Variants in EPHA6 observed in about 807,000 individuals in gnomAD.
The protein encoded by EPHA6 is ephrin type-A receptor 6.
EPHA6 carries 50 observed loss-of-function variants against 112.0 expected under a neutral mutation model. The ratio of observed to expected loss-of-function variants is 0.45; its 90% CI spans 0.36 to 0.56. EPHA6 has a LOEUF of 0.56. Among genes scored for constraint, EPHA6 ranks in the 20% least tolerant of loss-of-function variants. EPHA6 has a pLI of 0.00. For synonymous variants in EPHA6, 529 were observed against 490.7 expected, an observed-to-expected ratio of 1.08 and a Z score of -1.03; for missense variants, 1,280 against 1,417.4, an observed-to-expected ratio of 0.90 and a Z score of 1.56.
intron 6 of EPHA6, among the ~76,000 whole-genome samples, chr3:97,414,529 G>T (rs181262190): frequency 6.6e-6 from 1 of 151,874 alleles, no homozygotes; most frequent in African/African-American, 2.4e-5. Context: ...GTTTATTCCC[G>T]CATAGTAACC....
At chr3:97,286,522 C>T (rs1402646570) in intron 5 of EPHA6, among the ~76,000 whole-genome samples, 2 of 152,038 alleles carry the variant, frequency 1.3e-5, no homozygotes, top group African/African-American at 4.8e-5. Context: ...TTCCTGGCAC[C>T]TTTGTTGAAA....
chr3:97,625,353 T>C (rs190106793), intron 13 of EPHA6, among the ~76,000 whole-genome samples: 1 of 151,878 alleles, frequency 6.6e-6, no homozygotes, highest in Admixed American at 6.6e-5. Context: ...GATTTTTCCG[T>C]TTTTCTTCTG....
intron 5 of EPHA6, among the ~76,000 whole-genome samples, chr3:97,390,878 T>C (rs989772353): frequency 6.6e-6 from 1 of 152,038 alleles, no homozygotes. Flanking sequence ...CAACCAACAA[T>C]CAAATCATTC....
chr3:97,533,653 G>A (rs946771951), intron 11 of EPHA6, among the ~76,000 whole-genome samples: 1 of 152,070 alleles, frequency 6.6e-6, no homozygotes, highest in Non-Finnish European at 1.5e-5. Context: ...ACATTAGCAA[G>A]TGTGATGCAA....
chr3:97,409,848 A>G (rs1053055645), intron 6 of EPHA6, among the ~76,000 whole-genome samples: 10 of 152,130 alleles, frequency 6.6e-5, no homozygotes, highest in Admixed American at 5.9e-4. Context: ...ACTCATCATG[A>G]AAAAGGTAGC....
In EPHA6 at chr3:96,814,973, G is replaced by A; in HGVS notation, c.350G>A (p.Trp117Ter). 1.9e-6 allele frequency: 3 copies of A among 1,540,594 alleles called. No individual in the cohort carries two copies. Among genetic ancestry groups the A allele is most frequent in the Non-Finnish European group, 2.6e-6 (3 of 1,139,600 alleles). ...FGFFLPLLTA[W>*]PGDCSHVSNN... ...TTCTTCTTGCCTCTGCTGACAGCGTGGCCAGGCGACTGCAGTCACGTCTCC... is the reference window on the plus strand; with the variant it reads ...TTCTTCTTGCCTCTGCTGACAGCGTAGCCAGGCGACTGCAGTCACGTCTCC... Residue 117 changes from tryptophan to a stop codon, truncating the protein, a stop_gained, in exon 1 of 18, where the codon TGG becomes TAG. Coordinates refer to ENST00000389672, the MANE Select transcript of EPHA6 (RefSeq NM_001080448.3). LOFTEE classifies it high-confidence loss of function.
chr3:97,129,826 G>A (rs1313438503), intron 3 of EPHA6, among the ~76,000 whole-genome samples: 2 of 152,144 alleles, frequency 1.3e-5, no homozygotes, highest in African/African-American at 4.8e-5. Context: ...TTCCACAGAA[G>A]GCAGGTCAGG....
At chr3:97,619,435 G>C (rs1050265955) in intron 13 of EPHA6, among the ~76,000 whole-genome samples, 4 of 71,896 alleles carry the variant, frequency 5.6e-5, no homozygotes, top group South Asian at 4.3e-4. Flanking sequence ...ATAGAAAAAG[G>C]GGGGGGGGGG....
intron 5 of EPHA6, among the ~76,000 whole-genome samples, chr3:97,353,843 A>G (rs887059163): frequency 2.6e-5 from 4 of 152,190 alleles, no homozygotes; most frequent in African/African-American, 4.8e-5. Context: ...TGCTAGCTTC[A>G]GGTAAGACTC....
chr3:96,953,087 T>A (rs2041617659), intron 2 of EPHA6, among the ~76,000 whole-genome samples: 1 of 152,180 alleles, frequency 6.6e-6, no homozygotes, highest in African/African-American at 2.4e-5. Context: ...AATTCAAGAT[T>A]TCCTGGGTTT....
intron 2 of EPHA6, among the ~76,000 whole-genome samples, chr3:96,929,894 C>A (rs1456618391): frequency 6.6e-6 from 1 of 152,168 alleles, no homozygotes; most frequent in African/African-American, 2.4e-5. Context: ...TTTACATAAT[C>A]CCGTATGTCT....
intron 14 of EPHA6, among the ~76,000 whole-genome samples, chr3:97,679,909 A>G (rs1187794692): frequency 6.6e-6 from 1 of 152,218 alleles, no homozygotes; most frequent in Non-Finnish European, 1.5e-5. Flanking sequence ...TGATTTGACC[A>G]GGCAACCTTT....
intron 2 of EPHA6, 121 bp downstream of exon 2, chr3:96,867,010 C>T: frequency 2.1e-6 from 1 of 481,210 alleles, no homozygotes; most frequent in Non-Finnish European, 3.6e-6. Flanking sequence ...ACTTACATCC[C>T]ATAGAAAAGG....
intron 16 of EPHA6, among the ~76,000 whole-genome samples, chr3:97,744,358 C>A (rs187096144): frequency 2.2e-4 from 34 of 152,006 alleles, no homozygotes; most frequent in Non-Finnish European, 4.7e-4. Flanking sequence ...TAAGAAAGGG[C>A]ATTTATTGTT....
intron 3 of EPHA6, among the ~76,000 whole-genome samples, chr3:97,142,196 C>G (rs1477096788): frequency 6.6e-6 from 1 of 151,858 alleles, no homozygotes; most frequent in Non-Finnish European, 1.5e-5. Flanking sequence ...ACAATTTTTC[C>G]AAAATAGACA....
chr3:97,483,946 G>A lies in EPHA6; in HGVS notation c.2087G>A (p.Gly696Glu). 6.3e-7 allele frequency: 1 copy of A among 1,595,976 alleles called. No homozygotes were observed. The highest frequency in any genetic ancestry group is 8.5e-7 in the Non-Finnish European group (1 of 1,172,282). Residue 696 changes from glycine (G) to glutamate (E), a missense_variant, in exon 10 of 18, where the codon GGA (glycine) becomes GAA (glutamate). By Grantham distance (98) the Gly-to-Glu change is moderately conservative (BLOSUM62 -2). Around this residue, in one of 4 missense-constraint regions of EPHA6, gnomAD observed 878 missense variants for 999.7 expected, o/e 0.88. Transcript: ENST00000389672. Reference sequence around the variant, plus strand: ...ATTGTTGTTGCAGTGCGCTTCCCGGGAATTAAAACTTACATTGATCCAGAT... The same window carrying A: ...ATTGTTGTTGCAGTGCGCTTCCCGGAAATTAAAACTTACATTGATCCAGAT... ...HLQNGHLRFP[G>E]IKTYIDPDTY...
chr3:97,315,224 A>G (rs977229423), intron 5 of EPHA6, among the ~76,000 whole-genome samples: 1 of 151,706 alleles, frequency 6.6e-6, no homozygotes, highest in African/African-American at 2.4e-5. Context: ...ACTGACACCT[A>G]GATATAGCAC....
intron 13 of EPHA6, among the ~76,000 whole-genome samples, chr3:97,632,520 C>A (rs1330860742): frequency 2.6e-5 from 4 of 151,872 alleles, no homozygotes; most frequent in Admixed American, 6.6e-5. Flanking sequence ...ACTCCTAGCA[C>A]CTAGAATTAC....
At chr3:97,534,007 T>G (rs2092726888) in intron 11 of EPHA6, among the ~76,000 whole-genome samples, 1 of 152,166 alleles carries the variant, frequency 6.6e-6, no homozygotes, top group Non-Finnish European at 1.5e-5. Flanking sequence ...GTTGTTGTTT[T>G]AAGCCACTAA....
Sources: gnomAD v4.1 joint callset for allele counts (sites outside exome capture counted in the v4.1 genomes callset) on GRCh38, gnomAD v4.1.1 for gene constraint, gnomAD v4.1.1 regional missense constraint, MANE v1.5 for transcripts, NCBI Gene and HGNC (gene_info 2026-07-23, HGNC 2026-07-21) for gene names.